Variants in CAMKK2 observed in about 807,000 individuals in gnomAD.
CAMKK2 encodes the protein calcium/calmodulin-dependent protein kinase kinase 2.
In CAMKK2, 30 loss-of-function variants were observed where a neutral mutation model predicts 67.2. The ratio of observed to expected loss-of-function variants is 0.45; its 90% CI spans 0.33 to 0.61. CAMKK2 has a LOEUF of 0.61. CAMKK2 is among the 20% of genes least tolerant of loss of function. The probability of loss-of-function intolerance (pLI) is 0.02; values close to 1 mark genes in which losing one functional copy is unlikely to be tolerated. For missense variants in CAMKK2, 643 were observed against 802.0 expected, an observed-to-expected ratio of 0.80 and a Z score of 2.39; for synonymous variants, 322 against 326.2, an observed-to-expected ratio of 0.99 and a Z score of 0.14.
chr12:121,244,485 C>A, intron 16 of CAMKK2, 88 bp downstream of exon 16: 2 of 1,267,696 alleles, frequency 1.6e-6, no homozygotes, highest in South Asian at 2.7e-5. Flanking sequence ...AGCATCTGCC[C>A]GGGTGGGGAT....
At chr12:121,261,350 GA>G (rs1893409684) in intron 6 of CAMKK2, among the ~76,000 whole-genome samples, 1 of 152,162 alleles carries the variant, frequency 6.6e-6, no homozygotes, top group Non-Finnish European at 1.5e-5. Flanking sequence ...GGGCTTCCTG[GA>G]AAATGGCCAA....
chr12:121,286,701 G>A (rs1270248198), intron 1 of CAMKK2, among the ~76,000 whole-genome samples: 3 of 151,882 alleles, frequency 2.0e-5, no homozygotes, highest in Non-Finnish European at 2.9e-5. Context: ...GCACCACTAC[G>A]CCTGGCTAAA....
At chr12:121,293,507 G>C (rs935945602) in intron 1 of CAMKK2, among the ~76,000 whole-genome samples, 1 of 151,970 alleles carries the variant, frequency 6.6e-6, no homozygotes, top group Non-Finnish European at 1.5e-5. Context: ...AAAATGAGTT[G>C]ATAGAATAAT....
chr12:121,289,191 CCA>C (rs1184524247), intron 1 of CAMKK2, among the ~76,000 whole-genome samples: 1 of 151,990 alleles, frequency 6.6e-6, no homozygotes, highest in Admixed American at 6.6e-5. Flanking sequence ...AAAAAGCGAG[CCA>C]GTTTAAAAAA....
At chr12:121,266,999 G>C (rs918820313) in intron 5 of CAMKK2, among the ~76,000 whole-genome samples, 1 of 117,594 alleles carries the variant, frequency 8.5e-6, no homozygotes, top group Non-Finnish European at 1.6e-5. Context: ...TGGTCTCCAT[G>C]ATGAGCCCTC....
At chr12:121,268,273 T>C (rs1237932418) in intron 5 of CAMKK2, among the ~76,000 whole-genome samples, 1 of 151,904 alleles carries the variant, frequency 6.6e-6, no homozygotes, top group Non-Finnish European at 1.5e-5. Flanking sequence ...CTCTTGGGTA[T>C]ATAAGTAGGA....
chr12:121,242,571 G>A (rs967615407), intron 16 of CAMKK2, among the ~76,000 whole-genome samples: 6 of 152,188 alleles, frequency 3.9e-5, no homozygotes, highest in African/African-American at 1.4e-4. Flanking sequence ...TGGGGACTGT[G>A]TCTGCCTTCT....
intron 16 of CAMKK2, among the ~76,000 whole-genome samples, chr12:121,243,386 G>T (rs1400084936): frequency 6.6e-6 from 1 of 151,540 alleles, no homozygotes; most frequent in African/African-American, 2.4e-5. Flanking sequence ...GTACACAAAT[G>T]TTCATAGCAT....
chr12:121,241,637 G>C (rs1300088597), intron 16 of CAMKK2, among the ~76,000 whole-genome samples: 1 of 152,248 alleles, frequency 6.6e-6, no homozygotes, highest in Non-Finnish European at 1.5e-5. Context: ...ATGCCACATG[G>C]GTTACTGTCT....
At chr12:121,258,560 G>A (rs563766187) in intron 7 of CAMKK2, among the ~76,000 whole-genome samples, 133 of 152,086 alleles carry the variant, frequency 8.7e-4, no homozygotes, top group Non-Finnish European at 1.6e-3. Context: ...CCTACTACCC[G>A]GCCTCATGCA....
Position 121,244,358 on chromosome 12 carries a change from G to A in CAMKK2, c.1596+215C>T, listed in dbSNP as rs186730517. Among the ~76,000 whole-genome samples the A allele has an allele frequency of 7.3e-3, 1,114 of 152,274 alleles. 7 individuals carry two copies. Among genetic ancestry groups the A allele is most frequent in the Non-Finnish European group, 0.013 (865 of 68,022 alleles). On this transcript the variant is annotated intron_variant, in intron 16 of 16. Transcript: ENST00000404169. ...ATTCCAGCTGGAGCGCCATGCACCC[G>A]CAGCCCCAGCCCACATGCATGACCC...
intron 9 of CAMKK2, among the ~76,000 whole-genome samples, chr12:121,254,414 C>T (rs113319236): frequency 0.028 from 4,185 of 152,064 alleles, 202 homozygotes; most frequent in African/African-American, 0.095. Flanking sequence ...CCTGAGATCG[C>T]GCCACTGCAC....
chr12:121,281,541 G>A (rs1163556240), intron 1 of CAMKK2, among the ~76,000 whole-genome samples: 1 of 152,336 alleles, frequency 6.6e-6, no homozygotes, highest in East Asian at 1.9e-4. Flanking sequence ...TCATTCATTT[G>A]TTCTTACATG....
chr12:121,254,244 G>A (rs1208207776), intron 9 of CAMKK2, among the ~76,000 whole-genome samples: 1 of 152,054 alleles, frequency 6.6e-6, no homozygotes, highest in African/African-American at 2.4e-5. Flanking sequence ...GATCACCTGA[G>A]GTCAGGAGTT....
At chr12:121,254,797 G>C (rs1891520116) in intron 9 of CAMKK2, among the ~76,000 whole-genome samples, 1 of 152,178 alleles carries the variant, frequency 6.6e-6, no homozygotes, top group African/African-American at 2.4e-5. Context: ...AGCTGGCCCT[G>C]ATTCTGCATT....
rs1895331292 is a variant in CAMKK2, at chr12:121,269,666, G to C, written c.520-85C>G. ...ACCCTAATACAGACGTTGCAAACCG[G>C]CAGCCCATTGGTCAAATCTGTCCCG... On this transcript the variant is annotated intron_variant, in intron 3 of 16. Coordinates refer to ENST00000404169, the MANE Select transcript of CAMKK2 (RefSeq NM_001270485.2). 3.9e-6 allele frequency: 4 copies of C among 1,036,942 alleles called. No homozygotes were observed. In the Admixed American group the frequency reaches 8.3e-5, roughly 22 times the overall value. 64.2% of individuals were successfully genotyped at this position (1,036,942 alleles called of 1,614,324 possible). A position where few individuals can be genotyped will look rare whatever the true frequency, so the allele number is the denominator to read the frequency against.
upstream of CAMKK2, chr12:121,296,757 G>C (rs1358229757): frequency 6.8e-6 from 1 of 146,598 alleles, no homozygotes; most frequent in Non-Finnish European, 1.5e-5. This position sits in a 1 kb window ranked among gnomAD's most constrained non-coding sequence, Gnocchi z 7.1. Flanking sequence ...GGCGCGCGGG[G>C]GGCGGGGGCG....
At chr12:121,287,359 CAT>C (rs1488141324) in intron 1 of CAMKK2, among the ~76,000 whole-genome samples, 1 of 152,168 alleles carries the variant, frequency 6.6e-6, no homozygotes, top group African/African-American at 2.4e-5. Context: ...TTCCATGTGT[CAT>C]AAGAGCACAT....
chr12:121,271,205 G>A (rs1895683160), intron 2 of CAMKK2, among the ~76,000 whole-genome samples: 1 of 151,488 alleles, frequency 6.6e-6, no homozygotes, highest in Non-Finnish European at 1.5e-5. Flanking sequence ...AGCCCAGGAG[G>A]TGGAGGTTGC....
Sources: gnomAD v4.1 joint callset for allele counts (sites outside exome capture counted in the v4.1 genomes callset) on GRCh38, gnomAD v4.1.1 for gene constraint, Gnocchi (gnomAD v3.1) non-coding constraint, MANE v1.5 for transcripts, NCBI Gene and HGNC (gene_info 2026-07-23, HGNC 2026-07-21) for gene names.